Variants in FAM219A observed in about 807,000 individuals in gnomAD.
The protein encoded by FAM219A is protein FAM219A.
Under a neutral mutation model 23.4 loss-of-function variants are expected in FAM219A, and 7 were observed. That is an observed-to-expected ratio of 0.30 (90% CI 0.17 to 0.56). FAM219A has a LOEUF of 0.56. Among genes scored for constraint, FAM219A ranks in the 20% least tolerant of loss-of-function variants. FAM219A has a pLI of 0.92. For missense variants in FAM219A, 166 were observed against 246.9 expected, an observed-to-expected ratio of 0.67 and a Z score of 2.20; for synonymous variants, 93 against 99.0, an observed-to-expected ratio of 0.94 and a Z score of 0.36.
intron 1 of FAM219A, among the ~76,000 whole-genome samples, chr9:34,416,311 G>T (rs10115501): frequency 8.7e-6 from 1 of 114,754 alleles, no homozygotes; most frequent in African/African-American, 2.7e-5. Context: ...AGGAAGGAAC[G>T]AAGGAAGGAA....
At chr9:34,433,372 T>C (rs761574164) in intron 1 of FAM219A, among the ~76,000 whole-genome samples, 6 of 152,160 alleles carry the variant, frequency 3.9e-5, no homozygotes, top group Non-Finnish European at 1.5e-5. Context: ...CTAATGTTTA[T>C]CTTTAAAAAA....
Position 34,398,440 on chromosome 9 carries a change from C to T in FAM219A, c.*2524G>A, listed in dbSNP as rs1821299108. ...GGGCAAGCTAAGGCCTAGATTCTTC[C>T]CTCCAACCTCCCAGACAGGGAAGGA... is the stretch of plus-strand genomic sequence containing the variant. On this transcript the variant is annotated 3_prime_UTR_variant, in exon 6 of 6. Coordinates refer to ENST00000651358, the MANE Select transcript of FAM219A (RefSeq NM_001184940.2). 3 of 1,470,990 alleles carry T rather than the reference C, an allele frequency of 2.0e-6. No homozygotes were observed. Among genetic ancestry groups the T allele is most frequent in the Non-Finnish European group, 2.8e-6 (3 of 1,077,572 alleles). 91.1% of individuals were successfully genotyped at this position (1,470,990 alleles called of 1,614,324 possible). A position where few individuals can be genotyped will look rare whatever the true frequency, so the allele number is the denominator to read the frequency against.
chr9:34,437,235 C>A (rs754808180), intron 1 of FAM219A, among the ~76,000 whole-genome samples: 7 of 152,190 alleles, frequency 4.6e-5, no homozygotes, highest in Non-Finnish European at 8.8e-5. Context: ...GCTTACTCTC[C>A]AGGACACTGC....
chr9:34,436,663 C>G (rs1423069233), intron 1 of FAM219A, among the ~76,000 whole-genome samples: 1 of 152,204 alleles, frequency 6.6e-6, no homozygotes, highest in East Asian at 1.9e-4. Flanking sequence ...TTTTGAGACA[C>G]TGTTGCCAGT....
Position 34,417,788 on chromosome 9 carries a change from A to G in FAM219A, c.61-11824T>C, listed in dbSNP as rs1822090315. On this transcript the variant is annotated intron_variant, in intron 1 of 5. Transcript: ENST00000651358. The surrounding 1 kb of genome is among the most constrained non-coding windows in gnomAD (Gnocchi z 4.1). ...GGTTCCCTCTGGGAAATCTTCTTTC[A>G]TAGAACAGAATTTCCTCTGGGCATC... Among the ~76,000 whole-genome samples the G allele has an allele frequency of 6.6e-6, 1 of 152,192 alleles. No individual in the cohort carries two copies. Among genetic ancestry groups the G allele is most frequent in the South Asian group, 2.1e-4 (1 of 4,828 alleles).
chr9:34,401,546 C>T lies in FAM219A; in HGVS notation c.399+120G>A, dbSNP rs1821430919. The T allele has an allele frequency of 4.3e-6, 5 of 1,172,576 alleles. No homozygotes were observed. The Admixed American group carries it at 1.1e-4, about 25-fold the overall frequency. The allele number at this position is 1,172,576 out of a possible 1,614,324, so 72.6% of individuals were successfully genotyped here. ...TATCCCAGGCCCACCCTGTGCAGGG[C>T]ACCACCCAGCCTTGCCCAGCCCTCT... On this transcript the variant is annotated intron_variant, in intron 5 of 5. Transcript: ENST00000651358.
In FAM219A at chr9:34,399,955, A is replaced by G. The variant is rs932774279; in HGVS notation, c.*1009T>C. 2 of 152,356 alleles carry G rather than the reference A, an allele frequency of 1.3e-5. No individual in the cohort carries two copies. Among genetic ancestry groups the G allele is most frequent in the Non-Finnish European group, 2.9e-5 (2 of 68,336 alleles). 9.4% of individuals were successfully genotyped at this position (152,356 alleles called of 1,614,324 possible). ...ACAGGTCCAACAGAGACACACACCC[A>G]CCCACCCCCTGACAGCCTCAGAGAT... On this transcript the variant is annotated 3_prime_UTR_variant, in exon 6 of 6. Transcript: ENST00000651358.
intron 2 of FAM219A, 65 bp from the exon 3 acceptor site, chr9:34,402,872 G>A: frequency 3.4e-6 from 5 of 1,477,482 alleles, no homozygotes; most frequent in Non-Finnish European, 4.6e-6. Flanking sequence ...TACTACTCAG[G>A]GCAGCCTGGG....
intron 1 of FAM219A, among the ~76,000 whole-genome samples, chr9:34,454,534 T>C (rs1823666922): frequency 6.6e-6 from 1 of 152,022 alleles, no homozygotes; most frequent in African/African-American, 2.4e-5. Context: ...ACAAGGCCAA[T>C]TAAATAATTG....
At chr9:34,437,057 A>T (rs937566144) in intron 1 of FAM219A, among the ~76,000 whole-genome samples, 1 of 152,180 alleles carries the variant, frequency 6.6e-6, no homozygotes, top group Non-Finnish European at 1.5e-5. Flanking sequence ...GACTAACTTG[A>T]GTTATGAGAA....
At chr9:34,428,244 C>T (rs1588054432) in intron 1 of FAM219A, among the ~76,000 whole-genome samples, 1 of 152,168 alleles carries the variant, frequency 6.6e-6, no homozygotes, top group South Asian at 2.1e-4. Flanking sequence ...CAGGGAAACT[C>T]TTCAGGATTT....
chr9:34,411,089 T>C (rs1038244645), intron 1 of FAM219A, among the ~76,000 whole-genome samples: 5 of 152,128 alleles, frequency 3.3e-5, no homozygotes, highest in African/African-American at 1.2e-4. Context: ...TGACACCACA[T>C]AGGTTGGAGC....
At chr9:34,442,897 C>T (rs1451174863) in intron 1 of FAM219A, among the ~76,000 whole-genome samples, 2 of 152,062 alleles carry the variant, frequency 1.3e-5, no homozygotes, top group Admixed American at 1.3e-4. Flanking sequence ...GATGATTATT[C>T]ACCCATACCC....
intron 1 of FAM219A, among the ~76,000 whole-genome samples, chr9:34,418,166 G>A (rs1348064413): frequency 6.6e-6 from 1 of 150,868 alleles, no homozygotes; most frequent in Non-Finnish European, 1.5e-5. Flanking sequence ...GGAGAGAAAA[G>A]GATGGTGAAA....
intron 1 of FAM219A, among the ~76,000 whole-genome samples, chr9:34,423,322 C>A (rs1256931448): frequency 3.3e-5 from 5 of 152,048 alleles, no homozygotes; most frequent in Non-Finnish European, 7.4e-5. Context: ...TTAGGGAGGA[C>A]TTCTCCAAAG....
At chr9:34,419,345 G>A (rs1405110097) in intron 1 of FAM219A, among the ~76,000 whole-genome samples, 2 of 152,032 alleles carry the variant, frequency 1.3e-5, no homozygotes, top group Admixed American at 6.5e-5. Flanking sequence ...ACGGGGCTGG[G>A]GATTTGGGGT....
chr9:34,443,737 C>T (rs924576485), intron 1 of FAM219A, among the ~76,000 whole-genome samples: 2 of 152,122 alleles, frequency 1.3e-5, no homozygotes, highest in African/African-American at 2.4e-5. Context: ...CCCTCAGGCC[C>T]GTGCCCCCCA....
At chr9:34,402,243 C>T (rs1821470102) in intron 4 of FAM219A, 144 bp downstream of exon 4, 1 of 1,607,154 alleles carries the variant, frequency 6.2e-7, no homozygotes, top group Admixed American at 1.7e-5. Flanking sequence ...AAAAAATTCC[C>T]ATCCCTGGAG....
intron 1 of FAM219A, among the ~76,000 whole-genome samples, chr9:34,416,702 G>A (rs1822044006): frequency 6.7e-6 from 1 of 149,698 alleles, no homozygotes; most frequent in Non-Finnish European, 1.5e-5. Flanking sequence ...CATGCCACTG[G>A]ACTTCAGCCT....
Sources: gnomAD v4.1 joint callset for allele counts (sites outside exome capture counted in the v4.1 genomes callset) on GRCh38, gnomAD v4.1.1 for gene constraint, Gnocchi (gnomAD v3.1) non-coding constraint, MANE v1.5 for transcripts, NCBI Gene and HGNC (gene_info 2026-07-23, HGNC 2026-07-21) for gene names.